CDH18: variants seen among roughly 807,000 people sequenced by gnomAD.
CDH18 encodes cadherin 18.
Under a neutral mutation model 67.9 loss-of-function variants are expected in CDH18, and 31 were observed. The observed-to-expected ratio is 0.46, with a 90% CI of 0.34 to 0.62. The LOEUF (loss-of-function observed/expected upper bound fraction) is 0.62, where lower values mean the gene tolerates loss of function less well. CDH18 is among the 20% of genes least tolerant of loss of function. The pLI is 0.01. For missense variants in CDH18, 890 were observed against 975.5 expected (o/e 0.91, Z 1.17); for synonymous variants, 362 against 347.2 (o/e 1.04, Z -0.48).
intron 6 of CDH18, among the ~76,000 whole-genome samples, chr5:19,607,301 C>T (rs1402691166): frequency 6.6e-6 from 1 of 151,168 alleles, no homozygotes; most frequent in East Asian, 1.9e-4. Context: ...TGCTATTTAA[C>T]ACAACAGCAA....
At chr5:19,981,603 C>G (rs1415901543) in intron 1 of CDH18, among the ~76,000 whole-genome samples, 1 of 152,104 alleles carries the variant, frequency 6.6e-6, no homozygotes, top group African/African-American at 2.4e-5. Flanking sequence ...AAGCATTTTT[C>G]AAAAGATGCC....
chr5:20,027,545 C>T (rs368044035), intron 2 of CDH18, among the ~76,000 whole-genome samples: 1 of 152,066 alleles, frequency 6.6e-6, no homozygotes, highest in Non-Finnish European at 1.5e-5. Flanking sequence ...GAATCCTTGC[C>T]GCAGTTCTTA....
chr5:19,687,746 T>C (rs1761311839), intron 5 of CDH18, among the ~76,000 whole-genome samples: 2 of 152,214 alleles, frequency 1.3e-5, no homozygotes, highest in Non-Finnish European at 2.9e-5. Context: ...TCAGAGCTGA[T>C]ACTTGTGGCT....
At chr5:20,384,947 C>T (rs1254101647) in intron 1 of CDH18, among the ~76,000 whole-genome samples, 1 of 152,120 alleles carries the variant, frequency 6.6e-6, no homozygotes, top group African/African-American at 2.4e-5. Flanking sequence ...AGTGATTCTC[C>T]TGCCTCAGTC....
At chr5:19,733,484 T>G (rs1016952358) in intron 4 of CDH18, among the ~76,000 whole-genome samples, 1 of 152,166 alleles carries the variant, frequency 6.6e-6, no homozygotes, top group Non-Finnish European at 1.5e-5. Context: ...CGCTGAGAGC[T>G]GTTTGGTCAC....
intron 2 of CDH18, among the ~76,000 whole-genome samples, chr5:20,017,076 G>C (rs556794706): frequency 6.6e-6 from 1 of 151,786 alleles, no homozygotes; most frequent in Non-Finnish European, 1.5e-5. Flanking sequence ...GTAAGAAATT[G>C]ATGTGTTCTC....
chr5:20,552,306 G>A (rs927918252), intron 1 of CDH18, among the ~76,000 whole-genome samples: 2 of 151,904 alleles, frequency 1.3e-5, no homozygotes, highest in Admixed American at 6.6e-5. Context: ...GTAAAACCTC[G>A]TCTCTACTAA....
At chr5:20,303,543 G>A (rs1166230583) in intron 1 of CDH18, among the ~76,000 whole-genome samples, 4 of 152,070 alleles carry the variant, frequency 2.6e-5, no homozygotes, top group Admixed American at 6.6e-5. Context: ...ATAAAGCAGA[G>A]GACAAATGCC....
intron 2 of CDH18, among the ~76,000 whole-genome samples, chr5:20,085,873 C>T (rs978600146): frequency 3.3e-5 from 5 of 152,150 alleles, no homozygotes; most frequent in African/African-American, 1.2e-4. Flanking sequence ...CACAGCCAAA[C>T]CATACTAATT....
rs79268431 is a variant in CDH18 at position 20,360,558 on chromosome 5, T to C, written c.-579-105053A>G. 0.014 allele frequency among the ~76,000 whole-genome samples: 2,161 copies of C among 152,286 alleles called. 251 individuals are homozygous for C. The East Asian group carries it at 0.3, about 21-fold the overall frequency. ...AACATTTTAAATAAGACACAGCATA[T>C]AATGCCTCCCTGATCTGGGTGGAAT... On this transcript the variant is annotated intron_variant, in intron 1 of 14. Coordinates refer to the CDH18 transcript ENST00000507958.
intron 1 of CDH18, among the ~76,000 whole-genome samples, chr5:20,259,347 T>C (rs1348105971): frequency 6.6e-6 from 1 of 152,058 alleles, no homozygotes; most frequent in Non-Finnish European, 1.5e-5. Context: ...AATGATGAAA[T>C]TGGATATATA....
intron 2 of CDH18, among the ~76,000 whole-genome samples, chr5:19,945,879 C>T (rs1795235033): frequency 6.6e-6 from 1 of 151,690 alleles, no homozygotes; most frequent in East Asian, 1.9e-4. Context: ...TTTGGGACAA[C>T]ACAAAAAGAT....
At chr5:19,476,982 T>C (rs1003154122) in intron 12 of CDH18, among the ~76,000 whole-genome samples, 1 of 151,682 alleles carries the variant, frequency 6.6e-6, no homozygotes, top group African/African-American at 2.4e-5. Flanking sequence ...ATATTATGAT[T>C]CAAAATATAG....
rs528808088 is a variant in CDH18 at position 20,164,288 on chromosome 5, G to T, written c.-518+91156C>A. 2.6e-3 allele frequency among the ~76,000 whole-genome samples: 397 copies of T among 151,982 alleles called. 4 individuals are homozygous for T. The highest frequency in any genetic ancestry group is 2.8e-3 in the Non-Finnish European group (188 of 67,906). ...CATCCAGTATTTTGTTTGTTTGTTT[G>T]TTTTTTGTATTTTTTCAGATGGAGT... On this transcript the variant is annotated intron_variant, in intron 2 of 14. Coordinates refer to the CDH18 transcript ENST00000507958.
At chr5:19,679,107 A>G (rs1188962472) in intron 5 of CDH18, among the ~76,000 whole-genome samples, 1 of 152,114 alleles carries the variant, frequency 6.6e-6, no homozygotes, top group Admixed American at 6.6e-5. Flanking sequence ...GCCACAATCA[A>G]GTAGGCTTTA....
rs193267265 is a variant in CDH18, at chr5:20,314,916, T to A, written c.-579-59411A>T. 6.0e-4 allele frequency among the ~76,000 whole-genome samples: 92 copies of A among 152,224 alleles called. 1 individual carries two copies. Among genetic ancestry groups the A allele is most frequent in the African/African-American group, 1.8e-3 (75 of 41,572 alleles). ...TCACAATGTCATTCTTCATAAATAATGTTTATTCCCTTCACAATCAAATGT... is the reference window on the plus strand; with the variant it reads ...TCACAATGTCATTCTTCATAAATAAAGTTTATTCCCTTCACAATCAAATGT... On this transcript the variant is annotated intron_variant, in intron 1 of 14. Coordinates refer to the CDH18 transcript ENST00000507958.
chr5:19,978,611 T>C (rs1293938002), intron 2 of CDH18, among the ~76,000 whole-genome samples: 1 of 152,150 alleles, frequency 6.6e-6, no homozygotes, highest in Non-Finnish European at 1.5e-5. Flanking sequence ...AAAATCAAAG[T>C]GTTAGCATGG....
intron 1 of CDH18, among the ~76,000 whole-genome samples, chr5:19,983,991 T>C (rs948102747): frequency 6.6e-6 from 1 of 152,140 alleles, no homozygotes; most frequent in African/African-American, 2.4e-5. Context: ...TGTAAACAAA[T>C]GGATGTCTTC....
At chr5:19,974,545 A>C (rs984545974) in intron 2 of CDH18, among the ~76,000 whole-genome samples, 1 of 136,552 alleles carries the variant, frequency 7.3e-6, no homozygotes, top group Admixed American at 7.3e-5. Flanking sequence ...AAAAAAAAAG[A>C]GGGAAGTTTC....
Sources: gnomAD v4.1 joint callset for allele counts (sites outside exome capture counted in the v4.1 genomes callset) on GRCh38, gnomAD v4.1.1 for gene constraint, MANE v1.5 for transcripts, NCBI Gene and HGNC (gene_info 2026-07-23, HGNC 2026-07-21) for gene names.